LINS1: variants seen among roughly 807,000 people sequenced by gnomAD.
LINS1 encodes the protein lines homolog 1.
Under a neutral mutation model 41.6 loss-of-function variants are expected in LINS1, and 27 were observed. The observed-to-expected ratio is 0.65, with a 90% CI of 0.48 to 0.89. The LOEUF (loss-of-function observed/expected upper bound fraction) is 0.89, where lower values mean the gene tolerates loss of function less well. Ranked by LOEUF, LINS1 falls within the 40% of genes least tolerant of loss-of-function variation. The pLI, the probability that LINS1 is intolerant of heterozygous loss-of-function variation, is 0.00. For synonymous variants in LINS1, 336 were observed against 312.9 expected, an observed-to-expected ratio of 1.07 and a Z score of -0.78; for missense variants, 955 against 884.1, an observed-to-expected ratio of 1.08 and a Z score of -1.02.
At chr15:100,572,261 G>T (rs2037873310) in intron 5 of LINS1, 196 bp from the exon 6 acceptor site, 2 of 1,399,804 alleles carry the variant, frequency 1.4e-6, no homozygotes, top group South Asian at 1.5e-5. Flanking sequence ...GAAAAAAAGT[G>T]ACTCATTCCA....
rs781044699 is a variant in LINS1, at chr15:100,580,455, C to A, written c.388G>T (p.Asp130Tyr). 1.9e-6 allele frequency: 3 copies of A among 1,613,804 alleles called. No homozygotes were observed. Among genetic ancestry groups the A allele is most frequent in the East Asian group, 2.2e-5 (1 of 44,872 alleles). Residue 130 changes from aspartate (D) to tyrosine (Y), a missense_variant, in exon 2 of 7, where the codon GAT becomes TAT. Transcript: ENST00000314742. ...AACAAATGGCTTACTAATTTAGAAT[C>A]GACTTTGGCTGATTCTAAGAGAATT... Reference protein sequence around the residue: ...IKILLESAKVDSKLICMFQNS... With the variant: ...IKILLESAKVYSKLICMFQNS...
chr15:100,578,548 A>G (rs1364062865), intron 3 of LINS1, among the ~76,000 whole-genome samples: 6 of 152,210 alleles, frequency 3.9e-5, no homozygotes, highest in Admixed American at 2.0e-4. Flanking sequence ...AGGATGGGGA[A>G]AAATAGGAAC....
At chr15:100,582,306 G>A (rs2038586820) in intron 1 of LINS1, among the ~76,000 whole-genome samples, 2 of 143,088 alleles carry the variant, frequency 1.4e-5, no homozygotes, top group Admixed American at 1.4e-4. Context: ...TCTACACTAT[G>A]GCCCACTAGC....
chr15:100,598,109 C>A (rs533887755), intron 1 of LINS1, among the ~76,000 whole-genome samples: 143 of 152,308 alleles, frequency 9.4e-4, no homozygotes, highest in Admixed American at 2.9e-3. Flanking sequence ...TCCGGTGATA[C>A]TGTCTTCCAG....
intron 3 of LINS1, among the ~76,000 whole-genome samples, chr15:100,576,190 G>A (rs145774685): frequency 6.6e-6 from 1 of 152,062 alleles, no homozygotes; most frequent in Non-Finnish European, 1.5e-5. Context: ...AGAACTGAAG[G>A]AGATAGAGAC....
intron 1 of LINS1, among the ~76,000 whole-genome samples, chr15:100,599,183 G>C (rs2039367870): frequency 6.6e-6 from 1 of 152,126 alleles, no homozygotes; most frequent in Admixed American, 6.5e-5. Context: ...TCCCATTTTT[G>C]TGAGTTTTAT....
At chr15:100,573,116 C>CCT (rs72034999) in intron 5 of LINS1, 343 of 153,454 alleles carry the variant, frequency 2.2e-3, no homozygotes, top group African/African-American at 7.3e-3. Context: ...TCTGTCTTCT[C>CCT]CTCTCTCTCT....
intron 3 of LINS1, among the ~76,000 whole-genome samples, chr15:100,577,973 G>A (rs28839872): frequency 0.16 from 25,067 of 152,072 alleles, 2,380 homozygotes; most frequent in South Asian, 0.21. Context: ...CTAGCCATAT[G>A]TAGAAAGCTG....
In LINS1 at chr15:100,570,157, T is replaced by C. The variant is rs768298846; in HGVS notation, c.1395-40A>G. Reference sequence around the variant, plus strand: ...AATGGAGAATGCAGATTAATGACCTTACAAAAATAAACAGTTTTACCAGAT... The same window carrying C: ...AATGGAGAATGCAGATTAATGACCTCACAAAAATAAACAGTTTTACCAGAT... On this transcript the variant is annotated intron_variant, in intron 6 of 6. Coordinates refer to ENST00000314742, the MANE Select transcript of LINS1 (RefSeq NM_001040616.3). The C allele has an allele frequency of 1.0e-4, 149 of 1,467,078 alleles. 1 individual carries two copies. The highest frequency in any genetic ancestry group is 2.0e-5 in the Admixed American group (1 of 51,150). The allele number at this position is 1,467,078 out of a possible 1,614,324, so 90.9% of individuals were successfully genotyped here. A position where few individuals can be genotyped will look rare whatever the true frequency, so the allele number is the denominator to read the frequency against.
rs779725468 is a variant in LINS1, at chr15:100,574,031, G to C, written c.842C>G (p.Ser281Cys). The change falls in exon 5 of 7, where the codon TCT becomes TGT. Residue 281 changes from serine (S) to cysteine (C), a missense_variant. Transcript: ENST00000314742. ...CCAGGTAATAACTTCTAGCATGCAA[G>C]ATGGTTTCAAAAATAAAATCCTCTG... ...TCQRILFLKP[S>C]CMLEVITWPI... is the part of the protein sequence containing the mutation. 6.4e-5 allele frequency: 103 copies of C among 1,613,886 alleles called. No individual in the cohort carries two copies. Among genetic ancestry groups the C allele is most frequent in the Middle Eastern group, 3.3e-4 (2 of 6,084 alleles).
chr15:100,600,320 C>G (rs888556000), intron 1 of LINS1, among the ~76,000 whole-genome samples: 3 of 151,982 alleles, frequency 2.0e-5, no homozygotes, highest in African/African-American at 7.3e-5. Context: ...TAAATCAGGC[C>G]TCCTTGACTC....
At chr15:100,589,789 G>T (rs1341370648) in intron 1 of LINS1, among the ~76,000 whole-genome samples, 2 of 152,176 alleles carry the variant, frequency 1.3e-5, no homozygotes, top group Non-Finnish European at 2.9e-5. Context: ...TATTTTCAAT[G>T]CATGTTTTCT....
chr15:100,575,334 C>T (rs1373703204), intron 3 of LINS1, among the ~76,000 whole-genome samples: 6 of 151,712 alleles, frequency 4.0e-5, no homozygotes, highest in Non-Finnish European at 7.4e-5. Flanking sequence ...GGAAGATCTA[C>T]CAAGCAAATG....
At chr15:100,592,333 T>C (rs2039074917) in intron 1 of LINS1, among the ~76,000 whole-genome samples, 1 of 152,222 alleles carries the variant, frequency 6.6e-6, no homozygotes, top group Non-Finnish European at 1.5e-5. Context: ...TGGACACCCA[T>C]CAACTGATAA....
At chr15:100,595,667 CA>C (rs1418462949) in intron 1 of LINS1, among the ~76,000 whole-genome samples, 18 of 152,186 alleles carry the variant, frequency 1.2e-4, no homozygotes, top group African/African-American at 3.6e-4. Context: ...TTTTCATGGT[CA>C]ATATTAGAAG....
intron 6 of LINS1, among the ~76,000 whole-genome samples, chr15:100,571,513 T>C (rs760164650): frequency 6.6e-6 from 1 of 152,172 alleles, no homozygotes; most frequent in Non-Finnish European, 1.5e-5. Context: ...TATTTCTAAG[T>C]TTGTATTCAC....
chr15:100,581,081 G>A (rs976486522), intron 1 of LINS1, 136 bp from the exon 2 acceptor site: 2 of 456,620 alleles, frequency 4.4e-6, no homozygotes, highest in Non-Finnish European at 7.8e-6. Flanking sequence ...ATGGAAAATT[G>A]TAACAGGAAC....
chr15:100,573,327 A>AAT, intron 5 of LINS1: 1 of 1,038,450 alleles, frequency 9.6e-7, no homozygotes, highest in Non-Finnish European at 1.2e-6. Flanking sequence ...AAAAAAAAAA[A>AAT]GGATTAATAT....
intron 3 of LINS1, among the ~76,000 whole-genome samples, chr15:100,579,399 TTA>T (rs1491291341): frequency 1.8e-3 from 37 of 20,488 alleles, no homozygotes; most frequent in Admixed American, 7.3e-3. Context: ...TACCTTTAAC[TTA>T]TTTTTTTTTT....
Sources: allele counts gnomAD v4.1 joint callset (sites outside exome capture counted in the v4.1 genomes callset), GRCh38; gene constraint gnomAD v4.1.1; transcripts MANE v1.5; gene names NCBI Gene and HGNC (gene_info 2026-07-23, HGNC 2026-07-21).